The following EML5 variants were observed in gnomAD, a reference collection of about 807,000 sequenced individuals.
EML5 encodes the protein EMAP like 5, also known as echinoderm microtubule-associated protein-like 5.
A neutral mutation model predicts 250.0 loss-of-function variants in EML5; 120 were observed. That is an observed-to-expected ratio of 0.48 (90% CI 0.41 to 0.56). The LOEUF (loss-of-function observed/expected upper bound fraction) is 0.56. Among genes scored for constraint, EML5 ranks in the 20% least tolerant of loss-of-function variants. The probability of loss-of-function intolerance (pLI) is 0.00; values close to 1 mark genes in which losing one functional copy is unlikely to be tolerated. For missense variants in EML5, 2,006 were observed against 2,437.6 expected, an observed-to-expected ratio of 0.82 and a Z score of 3.73; for synonymous variants, 771 against 806.5, an observed-to-expected ratio of 0.96 and a Z score of 0.75.
intron 1 of EML5, among the ~76,000 whole-genome samples, chr14:88,780,297 T>C (rs778062425): frequency 1.4e-4 from 22 of 152,132 alleles, no homozygotes; most frequent in Non-Finnish European, 3.1e-4. Flanking sequence ...ACTGTCTTTG[T>C]TCTAGGCTAT....
intron 8 of EML5, among the ~76,000 whole-genome samples, chr14:88,716,975 T>C (rs1162140105): frequency 6.6e-6 from 1 of 152,150 alleles, no homozygotes; most frequent in Admixed American, 6.5e-5. Context: ...ATGATCACTA[T>C]GGTTTCTTTT....
intron 1 of EML5, among the ~76,000 whole-genome samples, chr14:88,779,605 T>C (rs1407913097): frequency 6.6e-6 from 1 of 152,222 alleles, no homozygotes; most frequent in Non-Finnish European, 1.5e-5. Context: ...AGTCACTTCA[T>C]ATTGCCTCCT....
chr14:88,645,223 G>A (rs754639969), intron 29 of EML5, among the ~76,000 whole-genome samples: 67 of 149,718 alleles, frequency 4.5e-4, no homozygotes, highest in Non-Finnish European at 2.8e-4. Context: ...ATGGGGTTTC[G>A]CCATGTTGGC....
At chr14:88,698,625 C>T (rs923503684) in intron 14 of EML5, among the ~76,000 whole-genome samples, 9 of 152,118 alleles carry the variant, frequency 5.9e-5, no homozygotes, top group African/African-American at 2.2e-4. Flanking sequence ...TAAATACAAA[C>T]CTCTCCCAAG....
chr14:88,728,329 TTAGAAGCAC>T (rs2093698857), intron 7 of EML5, among the ~76,000 whole-genome samples: 3 of 83,228 alleles, frequency 3.6e-5, no homozygotes, highest in African/African-American at 1.4e-4. Flanking sequence ...AATGCACCAG[TTAGAAGCAC>T]CAATTCCCAT....
At chr14:88,646,237 A>T (rs544474065) in intron 29 of EML5, among the ~76,000 whole-genome samples, 2 of 152,332 alleles carry the variant, frequency 1.3e-5, no homozygotes, top group East Asian at 3.9e-4. Context: ...ATAAAAGTAA[A>T]TGTGCTATAT....
chr14:88,674,980 C>T (rs1595474914), intron 21 of EML5, among the ~76,000 whole-genome samples: 1 of 152,316 alleles, frequency 6.6e-6, no homozygotes, highest in African/African-American at 2.4e-5. Flanking sequence ...CCAGGCCACA[C>T]TGATGCAAGA....
chr14:88,684,051 C>T (rs2092772960), intron 20 of EML5, among the ~76,000 whole-genome samples: 1 of 151,610 alleles, frequency 6.6e-6, no homozygotes, highest in Admixed American at 6.6e-5. Context: ...ATGTTGTACA[C>T]AGAAAACCCT....
At chr14:88,694,194 T>A (rs989899686) in intron 17 of EML5, 113 bp downstream of exon 17, 1 of 676,816 alleles carries the variant, frequency 1.5e-6, no homozygotes, top group African/African-American at 1.8e-5. Context: ...TCTCCTAGTG[T>A]TCCTGCTCTA....
chr14:88,723,150 T>C (rs540328516), intron 8 of EML5, among the ~76,000 whole-genome samples: 17 of 152,254 alleles, frequency 1.1e-4, no homozygotes, highest in African/African-American at 3.6e-4. Context: ...CAGGGGCTCA[T>C]GCCTGTAATC....
At chr14:88,618,863 ATACTT>A (rs775058704) in intron 39 of EML5, 51 bp from the exon 40 acceptor site, 115 of 1,494,848 alleles carry the variant, frequency 7.7e-5, no homozygotes, top group Admixed American at 1.7e-4. Flanking sequence ...AGTATTATAA[ATACTT>A]AAGATCAGTG....
intron 21 of EML5, among the ~76,000 whole-genome samples, chr14:88,670,586 G>T (rs1247451933): frequency 1.3e-5 from 2 of 152,160 alleles, no homozygotes; most frequent in East Asian, 1.9e-4. Context: ...ATTGACAGAA[G>T]TAGGCTTCAG....
intron 30 of EML5, among the ~76,000 whole-genome samples, chr14:88,643,910 G>T (rs1485845465): frequency 2.6e-5 from 4 of 152,198 alleles, no homozygotes; most frequent in African/African-American, 9.6e-5. Flanking sequence ...ATTTAGCAGA[G>T]TTTGGTTGTT....
At position 88,694,382 on chromosome 14, in the gene EML5, C is replaced by G; in HGVS notation, c.2464G>C (p.Val822Leu). 6.3e-7 allele frequency: 1 copy of G among 1,585,042 alleles called. No individual in the cohort carries two copies. Among genetic ancestry groups the G allele is most frequent in the South Asian group, 1.2e-5 (1 of 86,040 alleles). Residue 822 changes from valine (V) to leucine (L), a missense_variant, in exon 17 of 44, where the codon GTA becomes CTA. By Grantham distance (32) the Val-to-Leu change is conservative (BLOSUM62 1). Transcript: ENST00000554922. ...TCAGGCACATAGGGGTTCATCTTTA[C>G]AACAAAAATCTTATCTTTACTTCCT... ...ARGSKDKIFV[V>L]KMNPYVPDKL...
chr14:88,652,264 G>A (rs1476272137), intron 27 of EML5, among the ~76,000 whole-genome samples: 1 of 151,996 alleles, frequency 6.6e-6, no homozygotes, highest in Non-Finnish European at 1.5e-5. Flanking sequence ...ATGATCTGAG[G>A]TACATGAGGT....
intron 17 of EML5, 66 bp from the exon 18 acceptor site, chr14:88,688,539 T>G (rs2092889388): frequency 6.6e-7 from 1 of 1,512,566 alleles, no homozygotes; most frequent in Admixed American, 1.7e-5. Context: ...AGAAGCAAAG[T>G]TTCTTTTCTA....
intron 14 of EML5, among the ~76,000 whole-genome samples, chr14:88,701,771 A>T (rs557218685): frequency 4.6e-5 from 7 of 152,330 alleles, no homozygotes; most frequent in Admixed American, 4.6e-4. Context: ...GATTGATCTT[A>T]AGCAAATTAT....
chr14:88,731,050 T>C (rs1019948541), intron 7 of EML5, among the ~76,000 whole-genome samples: 3 of 152,176 alleles, frequency 2.0e-5, no homozygotes, highest in Admixed American at 6.5e-5. Flanking sequence ...TTTGTAGTTA[T>C]AACAGCTGCT....
At position 88,640,720 on chromosome 14, in the gene EML5, GAAC is replaced by G. The variant is rs1403848409; in HGVS notation, c.4238-1816_4238-1814del. On this transcript the variant is annotated intron_variant, in intron 31 of 43. Transcript: ENST00000554922. ...TAAATAACAAAATCAGAGCAGAAATGAACAATACTGAAACCCAAACATCTATAC... is the reference window on the plus strand; with the variant it reads ...TAAATAACAAAATCAGAGCAGAAATGAATACTGAAACCCAAACATCTATAC... Among the ~76,000 whole-genome samples the G allele has an allele frequency of 2.0e-5, 3 of 151,694 alleles. No homozygotes were observed. In the South Asian group the frequency reaches 6.2e-4, roughly 32 times the overall value.
Sources: allele counts gnomAD v4.1 joint callset (sites outside exome capture counted in the v4.1 genomes callset), GRCh38; gene constraint gnomAD v4.1.1; transcripts MANE v1.5; gene names NCBI Gene and HGNC (gene_info 2026-07-23, HGNC 2026-07-21).